The following DLGAP2 variants were observed in gnomAD, a reference collection of about 807,000 sequenced individuals.
DLGAP2 encodes DLG associated protein 2, also known as disks large-associated protein 2.
In DLGAP2, 26 loss-of-function variants were observed where a neutral mutation model predicts 100.3. The observed-to-expected ratio is 0.26, with a 90% CI of 0.19 to 0.36. The LOEUF (loss-of-function observed/expected upper bound fraction) is 0.36. Ranked by LOEUF, DLGAP2 falls within the 10% of genes least tolerant of loss-of-function variation. The probability of loss-of-function intolerance (pLI) is 1.00; values close to 1 mark genes in which losing one functional copy is unlikely to be tolerated. For missense variants in DLGAP2, 1,858 were observed against 1,453.2 expected, an observed-to-expected ratio of 1.28 and a Z score of -4.53; for synonymous variants, 886 against 630.1, an observed-to-expected ratio of 1.41 and a Z score of -6.08.
chr8:1,626,699 G>T (rs376109941), intron 6 of DLGAP2, 41 bp from the exon 7 acceptor site: 5 of 1,563,530 alleles, frequency 3.2e-6, no homozygotes, highest in Non-Finnish European at 1.7e-6. Flanking sequence ...CCTGCAGCGG[G>T]TGCTCACAGA....
chr8:1,286,050 G>A (rs540095836), intron 3 of DLGAP2, among the ~76,000 whole-genome samples: 17 of 152,200 alleles, frequency 1.1e-4, no homozygotes, highest in South Asian at 1.0e-3. Flanking sequence ...TGACTGCACC[G>A]AAATCTCACC....
intron 3 of DLGAP2, among the ~76,000 whole-genome samples, chr8:1,412,922 G>A (rs574143717): frequency 2.0e-5 from 3 of 152,200 alleles, no homozygotes; most frequent in South Asian, 2.1e-4. Flanking sequence ...CCTCCCTCCT[G>A]CTGGGAAAAT....
intron 8 of DLGAP2, among the ~76,000 whole-genome samples, chr8:1,654,735 A>G (rs977680986): frequency 6.6e-6 from 1 of 151,732 alleles, no homozygotes; most frequent in Non-Finnish European, 1.5e-5. Flanking sequence ...GAGCCAAACT[A>G]TGTTGCTGAT....
chr8:1,186,462 G>C (rs934982417), intron 2 of DLGAP2, among the ~76,000 whole-genome samples: 1 of 152,136 alleles, frequency 6.6e-6, no homozygotes, highest in Non-Finnish European at 1.5e-5. Flanking sequence ...GTTGCTTCAC[G>C]CCCTAAGCCA....
At chr8:1,603,792 A>C (rs1433240772) in intron 6 of DLGAP2, among the ~76,000 whole-genome samples, 1 of 152,140 alleles carries the variant, frequency 6.6e-6, no homozygotes, top group East Asian at 1.9e-4. Flanking sequence ...CTGAGGAGGG[A>C]TCTGCAGGCT....
chr8:804,865 A>G (rs1191796480), intron 1 of DLGAP2, among the ~76,000 whole-genome samples: 2 of 152,054 alleles, frequency 1.3e-5, no homozygotes, highest in African/African-American at 4.8e-5. Flanking sequence ...TCCTGGGCTT[A>G]AGTGATCCTC....
rs1218736675 is a variant in DLGAP2 at position 1,240,857 on chromosome 8, A to G, written c.74-17994A>G. Among the ~76,000 whole-genome samples, 20 of 6,710 alleles carry G rather than the reference A, an allele frequency of 3.0e-3. 8 individuals carry two copies. In the South Asian group the frequency reaches 0.061, roughly 20 times the overall value. The allele number at this position is 6,710 out of a possible 152,430, so 4.4% of individuals were successfully genotyped here. On this transcript the variant is annotated intron_variant, in intron 2 of 14. Transcript: ENST00000637795. Reference sequence around the variant, plus strand: ...GGTGCCATGTGTAGTTCTCTCTCACACATAGTGTCATGTCTAGTTCTCTCT... The same window carrying G: ...GGTGCCATGTGTAGTTCTCTCTCACGCATAGTGTCATGTCTAGTTCTCTCT...
intron 2 of DLGAP2, among the ~76,000 whole-genome samples, chr8:1,155,347 G>A (rs1224704823): frequency 6.6e-6 from 1 of 152,214 alleles, no homozygotes; most frequent in East Asian, 1.9e-4. Flanking sequence ...TTCCTGCGAG[G>A]GGCATCCGGG....
chr8:790,031 G>A (rs190263668), intron 1 of DLGAP2, among the ~76,000 whole-genome samples: 4 of 152,314 alleles, frequency 2.6e-5, no homozygotes, highest in East Asian at 1.9e-4. Flanking sequence ...GACGGACGAC[G>A]TCAGTGCAGT....
chr8:850,075 A>T (rs868163914), intron 1 of DLGAP2, among the ~76,000 whole-genome samples: 1 of 151,760 alleles, frequency 6.6e-6, no homozygotes, highest in Admixed American at 6.6e-5. Context: ...AAAAAAAAAA[A>T]AAACTAGGTT....
intron 8 of DLGAP2, among the ~76,000 whole-genome samples, chr8:1,662,357 G>A (rs1465187753): frequency 6.6e-6 from 1 of 152,140 alleles, no homozygotes. Flanking sequence ...TGCCACCAAA[G>A]GCATTTTGAT....
intron 3 of DLGAP2, among the ~76,000 whole-genome samples, chr8:1,266,069 C>A (rs1295366961): frequency 1.3e-5 from 2 of 152,310 alleles, no homozygotes; most frequent in Non-Finnish European, 2.9e-5. Flanking sequence ...AGGGGACACC[C>A]TTGTCTGAGG....
At chr8:1,335,018 T>C (rs1366134689) in intron 3 of DLGAP2, among the ~76,000 whole-genome samples, 1 of 152,158 alleles carries the variant, frequency 6.6e-6, no homozygotes. Context: ...TATAAGCATC[T>C]AAGTAAATCG....
chr8:1,683,868 G>A (rs761491397), intron 12 of DLGAP2, among the ~76,000 whole-genome samples: 3,693 of 90,298 alleles, frequency 0.041, 182 homozygotes, highest in East Asian at 0.12. Context: ...GTGTGTGTGT[G>A]TGTGTGTGTG....
intron 2 of DLGAP2, among the ~76,000 whole-genome samples, chr8:1,129,376 C>A (rs899535795): frequency 6.8e-6 from 1 of 146,346 alleles, no homozygotes; most frequent in Non-Finnish European, 1.5e-5. Flanking sequence ...GCACTCCAGC[C>A]GGGAGACAGA....
chr8:922,481 A>ACC (rs1563096683), intron 2 of DLGAP2, among the ~76,000 whole-genome samples: 1 of 152,232 alleles, frequency 6.6e-6, no homozygotes, highest in African/African-American at 2.4e-5. Flanking sequence ...CTAAAGGGGA[A>ACC]AGGTTTTTAA....
At chr8:857,251 A>T (rs932915752) in intron 1 of DLGAP2, among the ~76,000 whole-genome samples, 1 of 152,226 alleles carries the variant, frequency 6.6e-6, no homozygotes. Context: ...CTAGGAGACA[A>T]TGTGGGAGAA....
chr8:1,232,810 G>A (rs1465676599), intron 2 of DLGAP2, among the ~76,000 whole-genome samples: 3 of 152,252 alleles, frequency 2.0e-5, no homozygotes, highest in East Asian at 1.9e-4. Context: ...TAAACGTATC[G>A]CAAGGTTTAG....
chr8:739,588 C>T (rs1820430512), intron 1 of DLGAP2: 2 of 152,012 alleles, frequency 1.3e-5, no homozygotes, highest in Admixed American at 1.3e-4. Flanking sequence ...CCAAAAATGG[C>T]GAAATGATGA....
Sources: gnomAD v4.1 joint callset for allele counts (sites outside exome capture counted in the v4.1 genomes callset) on GRCh38, gnomAD v4.1.1 for gene constraint, MANE v1.5 for transcripts, NCBI Gene and HGNC (gene_info 2026-07-23, HGNC 2026-07-21) for gene names.